The following ERO1B variants were observed in gnomAD, a reference collection of about 807,000 sequenced individuals.
The protein encoded by ERO1B is endoplasmic reticulum oxidoreductase 1 beta, also known as ERO1-like protein beta.
A neutral mutation model predicts 75.3 loss-of-function variants in ERO1B; 49 were observed. The ratio of observed to expected loss-of-function variants is 0.65; its 90% CI spans 0.52 to 0.83. The LOEUF (loss-of-function observed/expected upper bound fraction) is 0.83. Among genes scored for constraint, ERO1B ranks in the 40% least tolerant of loss-of-function variants. The pLI is 0.00. For synonymous variants in ERO1B, 191 were observed against 192.9 expected, an observed-to-expected ratio of 0.99 and a Z score of 0.08; for missense variants, 512 against 560.1, an observed-to-expected ratio of 0.91 and a Z score of 0.87.
chr1:236,232,483 T>C (rs922545487), intron 9 of ERO1B, among the ~76,000 whole-genome samples: 1 of 152,086 alleles, frequency 6.6e-6, no homozygotes, highest in Non-Finnish European at 1.5e-5. Flanking sequence ...AATAAGAAAA[T>C]AAAGAGGTCA....
chr1:236,254,618 T>A (rs905671919), intron 2 of ERO1B, among the ~76,000 whole-genome samples: 2 of 152,190 alleles, frequency 1.3e-5, no homozygotes, highest in Non-Finnish European at 2.9e-5. Context: ...TCTTTATTTT[T>A]TTTTTATTTT....
rs879506282 is a variant in ERO1B at position 236,217,077 on chromosome 1, G to A, written c.*1439C>T. The A allele has an allele frequency of 9.2e-5, 14 of 151,710 alleles. No individual in the cohort carries two copies. The highest frequency in any genetic ancestry group is 1.9e-4 in the Non-Finnish European group (13 of 67,850). The allele number at this position is 151,710 out of a possible 1,614,324, so 9.4% of individuals were successfully genotyped here. On this transcript the variant is annotated 3_prime_UTR_variant, in exon 16 of 16. Transcript: ENST00000354619. Reference sequence around the variant, plus strand: ...AGATGGCTAAGTATTTTTAAGAGGGGTGAGCCAAGCCAACTAAATACAATT... The same window carrying A: ...AGATGGCTAAGTATTTTTAAGAGGGATGAGCCAAGCCAACTAAATACAATT...
intron 7 of ERO1B, 112 bp from the exon 8 acceptor site, chr1:236,235,947 CAG>C (rs974788640): frequency 9.8e-6 from 9 of 921,354 alleles, no homozygotes; most frequent in South Asian, 8.2e-5. Context: ...TTTTTTGAGA[CAG>C]AGTTTCACTT....
chr1:236,267,869 T>G (rs1665484501), intron 2 of ERO1B: 1 of 152,130 alleles, frequency 6.6e-6, no homozygotes, highest in African/African-American at 2.4e-5. Flanking sequence ...TTACATGGAT[T>G]TTTGGAGTAG....
chr1:236,270,092 G>T, intron 1 of ERO1B, 98 bp from the exon 2 acceptor site: 1 of 848,892 alleles, frequency 1.2e-6, no homozygotes, highest in Non-Finnish European at 1.8e-6. Context: ...ATTCAAGTTA[G>T]CCGGTACTTG....
In ERO1B at chr1:236,233,600, GA is replaced by G. The variant is rs59372414; in HGVS notation, c.674-762del. On this transcript the variant is annotated intron_variant, in intron 8 of 15. Transcript: ENST00000354619. The stretch of plus-strand genomic sequence containing the variant: ...GTGACAGAGTGCGACTCTGTCTCAA[GA>G]AAAAAAAAAAAAGATTTGCACATTT... Among the ~76,000 whole-genome samples, 575 of 119,428 alleles carry G rather than the reference GA, an allele frequency of 4.8e-3. 1 individual carries two copies. The highest frequency in any genetic ancestry group is 0.014 in the African/African-American group (467 of 33,056). The allele number at this position is 119,428 out of a possible 152,430, so 78.3% of individuals were successfully genotyped here.
chr1:236,247,955 T>C (rs895305406), intron 5 of ERO1B, among the ~76,000 whole-genome samples: 1 of 152,206 alleles, frequency 6.6e-6, no homozygotes, highest in Non-Finnish European at 1.5e-5. Context: ...TTTAAAACAG[T>C]GCCACTCTCT....
At chr1:236,245,807 G>T (rs1411945595) in intron 5 of ERO1B, among the ~76,000 whole-genome samples, 2 of 150,698 alleles carry the variant, frequency 1.3e-5, no homozygotes, top group Non-Finnish European at 2.9e-5. Context: ...GGCCAGGTTG[G>T]TCTTGAACTC....
intron 1 of ERO1B, among the ~76,000 whole-genome samples, chr1:236,279,856 AAAAAG>A (rs1377204161): frequency 1.3e-5 from 2 of 152,058 alleles, no homozygotes; most frequent in Non-Finnish European, 2.9e-5. Flanking sequence ...AAAAAAAAAA[AAAAAG>A]AAAGTAAGTA....
chr1:236,223,202 CAAAAAAAAAA>C (rs11322079), intron 13 of ERO1B, among the ~76,000 whole-genome samples: 12 of 80,930 alleles, frequency 1.5e-4, no homozygotes, highest in Admixed American at 1.4e-3. Flanking sequence ...AACTCTGTCT[CAAAAAAAAAA>C]AAAAAAAAAA....
At chr1:236,242,007 G>A (rs553188459) in intron 6 of ERO1B, among the ~76,000 whole-genome samples, 1 of 151,358 alleles carries the variant, frequency 6.6e-6, no homozygotes, top group South Asian at 2.1e-4. Context: ...GGCGGAGCTT[G>A]CAGTGAGCCG....
Position 236,281,861 on chromosome 1 carries a change from G to C in ERO1B, c.-78C>G, listed in dbSNP as rs373780199. 1.1e-5 allele frequency: 12 copies of C among 1,112,080 alleles called. No homozygotes were observed. The highest frequency in any genetic ancestry group is 3.2e-5 in the East Asian group (1 of 31,480). 68.9% of individuals were successfully genotyped at this position (1,112,080 alleles called of 1,614,324 possible). A position where few individuals can be genotyped will look rare whatever the true frequency, so the allele number is the denominator to read the frequency against. On this transcript the variant is annotated 5_prime_UTR_variant, in exon 1 of 16. Transcript: ENST00000354619. ...ACGGGCGGCCCAGGCGACGACCCAA[G>C]GGGACGGTTCCCAGCGGCCGAGCGA...
At position 236,232,852 on chromosome 1, in the gene ERO1B, A is replaced by G. The variant is rs1214631818; in HGVS notation, c.674-13T>C. On this transcript the variant is annotated splice_polypyrimidine_tract_variant and intron_variant, in intron 8 of 15. Coordinates refer to ENST00000354619, the MANE Select transcript of ERO1B (RefSeq NM_019891.4). ...CCATCATCTTCGCCTAAAAGAGAAA[A>G]TAATAGAAAAGATTTTAGAAAATGT... 1 of 1,593,230 alleles carries G rather than the reference A, an allele frequency of 6.3e-7. No homozygotes were observed.
At chr1:236,230,180 AT>A (rs1357436218) in intron 10 of ERO1B, 43 bp downstream of exon 10, 1 of 1,476,554 alleles carries the variant, frequency 6.8e-7, no homozygotes, top group Non-Finnish European at 9.4e-7. Flanking sequence ...ATAAATCAGT[AT>A]TTTTTAACAA....
intron 1 of ERO1B, among the ~76,000 whole-genome samples, chr1:236,279,668 A>G (rs747903598): frequency 1.4e-4 from 8 of 58,508 alleles, no homozygotes; most frequent in Admixed American, 4.1e-4. Flanking sequence ...GTCTACTGGG[A>G]AAAAAAAAAA....
At chr1:236,260,592 G>T in intron 2 of ERO1B, among the ~76,000 whole-genome samples, 1 of 151,498 alleles carries the variant, frequency 6.6e-6, no homozygotes. Context: ...TTGAACCCAG[G>T]AGATGGAGGT....
intron 1 of ERO1B, among the ~76,000 whole-genome samples, chr1:236,279,137 C>A (rs1665767471): frequency 6.6e-6 from 1 of 152,224 alleles, no homozygotes; most frequent in Non-Finnish European, 1.5e-5. Flanking sequence ...GTTCTTTGAA[C>A]TTCAATTACC....
At chr1:236,273,963 C>T (rs1665656717) in intron 1 of ERO1B, among the ~76,000 whole-genome samples, 1 of 149,524 alleles carries the variant, frequency 6.7e-6, no homozygotes, top group South Asian at 2.1e-4. Flanking sequence ...ATGGGACTTA[C>T]TGTTGAGCCA....
At position 236,238,523 on chromosome 1, in the gene ERO1B, CTT is replaced by C. The variant is rs754277540; in HGVS notation, c.506-2127_506-2126del. Among the ~76,000 whole-genome samples the C allele has an allele frequency of 1.0e-4, 11 of 108,232 alleles. No homozygotes were observed. In the East Asian group the frequency reaches 2.0e-3, roughly 19 times the overall value. The allele number at this position is 108,232 out of a possible 152,430, so 71.0% of individuals were successfully genotyped here. ...ACTACACTCCACCCTGGGCAACAGCCTTTTTTTTTTTTTTTTTAAAAAAAAAA... is the reference window on the plus strand; with the variant it reads ...ACTACACTCCACCCTGGGCAACAGCCTTTTTTTTTTTTTTTAAAAAAAAAA... On this transcript the variant is annotated intron_variant, in intron 6 of 15. Coordinates refer to ENST00000354619, the MANE Select transcript of ERO1B (RefSeq NM_019891.4).
Sources: gnomAD v4.1 joint callset for allele counts (sites outside exome capture counted in the v4.1 genomes callset) on GRCh38, gnomAD v4.1.1 for gene constraint, MANE v1.5 for transcripts, NCBI Gene and HGNC (gene_info 2026-07-23, HGNC 2026-07-21) for gene names.